The following OCA2 variants were observed in gnomAD, a reference collection of about 807,000 sequenced individuals.
The protein encoded by OCA2 is P protein.
A neutral mutation model predicts 100.2 loss-of-function variants in OCA2; 77 were observed. The ratio of observed to expected loss-of-function variants is 0.77; its 90% CI spans 0.64 to 0.93. The LOEUF (loss-of-function observed/expected upper bound fraction) is 0.93, where lower values mean the gene tolerates loss of function less well. Ranked by LOEUF, OCA2 falls within the 40% of genes least tolerant of loss-of-function variation. The probability of loss-of-function intolerance (pLI) is 0.00; values close to 1 mark genes in which losing one functional copy is unlikely to be tolerated. For missense variants in OCA2, 1,062 were observed against 1,089.1 expected, an observed-to-expected ratio of 0.98 and a Z score of 0.35; for synonymous variants, 432 against 439.2, an observed-to-expected ratio of 0.98 and a Z score of 0.21.
intron 23 of OCA2, among the ~76,000 whole-genome samples, chr15:27,828,358 T>A (rs1207203790): frequency 6.6e-6 from 1 of 152,178 alleles, no homozygotes; most frequent in South Asian, 2.1e-4. Context: ...AGTGCCGGCA[T>A]CCCTAGCTAC....
chr15:27,806,185 G>A (rs1566977999), intron 23 of OCA2, among the ~76,000 whole-genome samples: 2 of 152,244 alleles, frequency 1.3e-5, no homozygotes, highest in South Asian at 4.1e-4. Context: ...GACCAGCTGG[G>A]AGCAGAGGGC....
At chr15:27,922,743 T>C (rs1189305738) in intron 19 of OCA2, among the ~76,000 whole-genome samples, 1 of 151,086 alleles carries the variant, frequency 6.6e-6, no homozygotes, top group Admixed American at 6.6e-5. Flanking sequence ...GTTTCTCCCA[T>C]GTGCTTATTT....
intron 19 of OCA2, among the ~76,000 whole-genome samples, chr15:27,893,844 T>A (rs564088707): frequency 6.6e-6 from 1 of 152,272 alleles, no homozygotes; most frequent in Admixed American, 6.5e-5. Context: ...TGCTTTATGA[T>A]CTTTGTTGGA....
intron 1 of OCA2, among the ~76,000 whole-genome samples, chr15:28,097,732 T>C (rs28367010): frequency 0.037 from 5,665 of 152,138 alleles, 334 homozygotes; most frequent in African/African-American, 0.13. Flanking sequence ...CACCTGGCCT[T>C]TCCCAGGGGC....
At chr15:27,723,174 C>G in the OCA2 span, among the ~76,000 whole-genome samples, 1 of 152,018 alleles carries the variant, frequency 6.6e-6, no homozygotes, top group African/African-American at 2.4e-5. Flanking sequence ...CTTATGAGCA[C>G]CTAAAATATT....
chr15:27,838,623 T>C (rs1461001894), intron 23 of OCA2, among the ~76,000 whole-genome samples: 1 of 152,158 alleles, frequency 6.6e-6, no homozygotes, highest in South Asian at 2.1e-4. Context: ...GAAGATAAAT[T>C]TGTAAAACCC....
chr15:27,899,930 T>G (rs972006651), intron 19 of OCA2, among the ~76,000 whole-genome samples: 1 of 152,102 alleles, frequency 6.6e-6, no homozygotes, highest in African/African-American at 2.4e-5. Flanking sequence ...TCAGCAATTT[T>G]TGCCCCCTGT....
chr15:28,031,244 G>A (rs1017856760), intron 3 of OCA2, among the ~76,000 whole-genome samples: 1 of 152,260 alleles, frequency 6.6e-6, no homozygotes, highest in East Asian at 1.9e-4. Flanking sequence ...CATTCCTTTG[G>A]ATTCTGTGTT....
chr15:27,870,265 G>C, intron 21 of OCA2, among the ~76,000 whole-genome samples: 1 of 152,236 alleles, frequency 6.6e-6, no homozygotes, highest in East Asian at 1.9e-4. Flanking sequence ...CAGAAGAACA[G>C]AGGGCTCTCC....
At chr15:28,053,570 AT>A (rs1314062342) in intron 2 of OCA2, among the ~76,000 whole-genome samples, 2 of 152,102 alleles carry the variant, frequency 1.3e-5, no homozygotes, top group Admixed American at 1.3e-4. Flanking sequence ...GGCTACTACC[AT>A]GGCTACCTCC....
chr15:27,742,343 G>C, the OCA2 span, among the ~76,000 whole-genome samples: 1 of 152,148 alleles, frequency 6.6e-6, no homozygotes, highest in Admixed American at 6.5e-5. Context: ...TGGAACCTTG[G>C]AGCAGACAGT....
chr15:27,836,891 T>A (rs2035174258), intron 23 of OCA2, among the ~76,000 whole-genome samples: 1 of 152,222 alleles, frequency 6.6e-6, no homozygotes, highest in African/African-American at 2.4e-5. Context: ...TTTTAAAGCC[T>A]CACAATAATT....
intron 3 of OCA2, 38 bp downstream of exon 3, chr15:28,032,027 G>A: frequency 6.6e-7 from 1 of 1,521,286 alleles, no homozygotes; most frequent in East Asian, 2.3e-5. Flanking sequence ...GCAATGCTCA[G>A]AAACTCTTAC....
At chr15:28,080,669 GCTGGAGAGACCATCAGTA>G (rs2044592195) in intron 2 of OCA2, among the ~76,000 whole-genome samples, 1 of 152,226 alleles carries the variant, frequency 6.6e-6, no homozygotes, top group Admixed American at 6.5e-5. Flanking sequence ...TTTGTTAAAG[GCTGGAGAGACCATCAGTA>G]CTGCAGGGGT....
chr15:27,866,986 G>A (rs537048260), intron 21 of OCA2, among the ~76,000 whole-genome samples: 272 of 152,320 alleles, frequency 1.8e-3, no homozygotes, highest in African/African-American at 6.1e-3. Flanking sequence ...AGCCAGCGTC[G>A]GGGCAGGGAT....
chr15:27,894,216 C>T (rs1241092114), intron 19 of OCA2, among the ~76,000 whole-genome samples: 3 of 152,226 alleles, frequency 2.0e-5, no homozygotes, highest in South Asian at 2.1e-4. Context: ...AAAATTCTAC[C>T]AGGCCTTTGT....
At chr15:28,092,443 C>G (rs1204066268) in intron 1 of OCA2, among the ~76,000 whole-genome samples, 2 of 152,174 alleles carry the variant, frequency 1.3e-5, no homozygotes, top group African/African-American at 2.4e-5. Context: ...GCAGTCTTGT[C>G]CTCCCAGGCT....
intron 23 of OCA2, among the ~76,000 whole-genome samples, chr15:27,811,841 T>C (rs2034092253): frequency 6.6e-6 from 1 of 152,110 alleles, no homozygotes; most frequent in Admixed American, 6.6e-5. Context: ...TATCTAAGTG[T>C]CGGTGGAACT....
At chr15:27,725,620 G>A in the OCA2 span, among the ~76,000 whole-genome samples, 13 of 152,218 alleles carry the variant, frequency 8.5e-5, no homozygotes, top group Middle Eastern at 3.4e-3. Flanking sequence ...CAACACGGGA[G>A]CAAAGTACAA....
Sources: allele counts gnomAD v4.1 joint callset (sites outside exome capture counted in the v4.1 genomes callset), GRCh38; gene constraint gnomAD v4.1.1; transcripts MANE v1.5; gene names NCBI Gene and HGNC (gene_info 2026-07-23, HGNC 2026-07-21).